The following ADGRB3 variants were observed in gnomAD, a reference collection of about 807,000 sequenced individuals.
ADGRB3 encodes the protein brain-specific angiogenesis inhibitor 3.
Under a neutral mutation model 193.4 loss-of-function variants are expected in ADGRB3, and 37 were observed. That is an observed-to-expected ratio of 0.19 (90% CI 0.15 to 0.25). The LOEUF is 0.25. ADGRB3 is among the 10% of genes least tolerant of loss of function. The pLI is 1.00. For synonymous variants in ADGRB3, 690 were observed against 644.2 expected, an observed-to-expected ratio of 1.07 and a Z score of -1.08; for missense variants, 1,637 against 1,852.9, an observed-to-expected ratio of 0.88 and a Z score of 2.14.
At chr6:69,228,675 G>A (rs1457340493) in intron 17 of ADGRB3, among the ~76,000 whole-genome samples, 1 of 152,040 alleles carries the variant, frequency 6.6e-6, no homozygotes, top group Non-Finnish European at 1.5e-5. Context: ...GCATATATAT[G>A]TTTTATGTTG....
At chr6:68,658,445 C>T (rs1039255411) in intron 3 of ADGRB3, among the ~76,000 whole-genome samples, 1 of 151,226 alleles carries the variant, frequency 6.6e-6, no homozygotes, top group African/African-American at 2.4e-5. Context: ...TTTCTTCCAC[C>T]TAGTGTTTTC....
intron 19 of ADGRB3, among the ~76,000 whole-genome samples, chr6:69,236,085 TA>T (rs1283337280): frequency 1.3e-5 from 2 of 151,964 alleles, no homozygotes; most frequent in Non-Finnish European, 2.9e-5. Flanking sequence ...TCACTTAAGA[TA>T]AAAAACATTC....
chr6:68,941,672 A>G (rs1767646007), intron 5 of ADGRB3, among the ~76,000 whole-genome samples: 1 of 152,018 alleles, frequency 6.6e-6, no homozygotes, highest in African/African-American at 2.4e-5. Flanking sequence ...AGGTTTTTAA[A>G]ATAGGAGGAG....
At chr6:69,063,141 G>A (rs528736885) in intron 16 of ADGRB3, 105 bp downstream of exon 16, 3 of 759,596 alleles carry the variant, frequency 3.9e-6, no homozygotes, top group South Asian at 1.9e-5. Flanking sequence ...TTTTATAGTT[G>A]CAAATATATT....
intron 17 of ADGRB3, among the ~76,000 whole-genome samples, chr6:69,076,333 G>A (rs144016527): frequency 2.6e-5 from 4 of 152,138 alleles, no homozygotes; most frequent in East Asian, 3.9e-4. Flanking sequence ...ATAGAAGCTC[G>A]AATGCCATCT....
intron 23 of ADGRB3, chr6:69,331,662 C>G: frequency 2.0e-6 from 2 of 985,304 alleles, no homozygotes; most frequent in Non-Finnish European, 2.4e-6. Flanking sequence ...TTTTTGTCTG[C>G]TGCTTTGAAT....
chr6:68,948,552 G>A (rs1767835027), intron 6 of ADGRB3, among the ~76,000 whole-genome samples: 1 of 151,974 alleles, frequency 6.6e-6, no homozygotes, highest in Non-Finnish European at 1.5e-5. Flanking sequence ...AACATAAAAA[G>A]CTTAAGATCT....
At chr6:69,176,301 G>T (rs939611753) in intron 17 of ADGRB3, among the ~76,000 whole-genome samples, 1 of 152,022 alleles carries the variant, frequency 6.6e-6, no homozygotes. Context: ...ATTATTTTGA[G>T]GTATGTTCCT....
intron 8 of ADGRB3, among the ~76,000 whole-genome samples, chr6:68,968,915 T>C (rs1422374981): frequency 6.6e-6 from 1 of 152,144 alleles, no homozygotes; most frequent in Non-Finnish European, 1.5e-5. Flanking sequence ...AATCCAAAAT[T>C]CACTTCTCAA....
At chr6:69,137,007 T>A (rs1461518728) in intron 17 of ADGRB3, among the ~76,000 whole-genome samples, 2 of 151,782 alleles carry the variant, frequency 1.3e-5, no homozygotes, top group African/African-American at 4.8e-5. Context: ...AGAAAATATC[T>A]TTTTACTTCT....
intron 20 of ADGRB3, among the ~76,000 whole-genome samples, chr6:69,299,540 T>C (rs764790132): frequency 2.0e-5 from 3 of 151,962 alleles, no homozygotes; most frequent in Non-Finnish European, 4.4e-5. Context: ...ATTTGATCCA[T>C]TTTAATTTGA....
At chr6:69,174,467 G>A (rs1032191737) in intron 17 of ADGRB3, among the ~76,000 whole-genome samples, 12 of 152,210 alleles carry the variant, frequency 7.9e-5, no homozygotes, top group African/African-American at 2.4e-4. Context: ...ATTCCATGGT[G>A]TATGCATATG....
intron 3 of ADGRB3, among the ~76,000 whole-genome samples, chr6:68,717,675 A>G (rs554774803): frequency 4.6e-5 from 7 of 151,718 alleles, no homozygotes; most frequent in African/African-American, 1.7e-4. Flanking sequence ...GCCATATTTA[A>G]TAAAGATATA....
intron 3 of ADGRB3, among the ~76,000 whole-genome samples, chr6:68,742,306 T>A (rs1765997527): frequency 6.6e-6 from 1 of 152,202 alleles, no homozygotes; most frequent in Admixed American, 6.5e-5. Context: ...TGTCTCAACA[T>A]AAATATATGA....
chr6:68,876,977 T>C (rs1765611921), intron 3 of ADGRB3, among the ~76,000 whole-genome samples: 1 of 152,144 alleles, frequency 6.6e-6, no homozygotes, highest in Non-Finnish European at 1.5e-5. Flanking sequence ...ATTTTAAATG[T>C]TTAATCAGCA....
intron 3 of ADGRB3, among the ~76,000 whole-genome samples, chr6:68,669,650 GTA>G (rs1554168251): frequency 0.015 from 1,886 of 125,864 alleles, 37 homozygotes; most frequent in African/African-American, 0.043. Context: ...GTGTGTGTGT[GTA>G]TACCAAATTT....
intron 17 of ADGRB3, among the ~76,000 whole-genome samples, chr6:69,101,576 A>G (rs1393366795): frequency 6.6e-6 from 1 of 152,102 alleles, no homozygotes; most frequent in African/African-American, 2.4e-5. Context: ...TGCCATTTAT[A>G]TATTTCTTAT....
intron 17 of ADGRB3, among the ~76,000 whole-genome samples, chr6:69,206,045 G>GTATATATATATATATATA (rs56741913): frequency 3.0e-5 from 3 of 99,952 alleles, no homozygotes; most frequent in Non-Finnish European, 5.8e-5. Context: ...TATAATAATG[G>GTATATATATATATATATA]TATATATATA....
At chr6:68,692,929 G>A (rs1263236618) in intron 3 of ADGRB3, among the ~76,000 whole-genome samples, 2 of 151,096 alleles carry the variant, frequency 1.3e-5, no homozygotes, top group African/African-American at 2.4e-5. Context: ...TATAGATACA[G>A]ATTCGTAAAC....
Sources: allele counts gnomAD v4.1 joint callset (sites outside exome capture counted in the v4.1 genomes callset), GRCh38; gene constraint gnomAD v4.1.1; transcripts MANE v1.5; gene names NCBI Gene and HGNC (gene_info 2026-07-23, HGNC 2026-07-21).